Variants in NR6A1 observed in about 807,000 individuals in gnomAD.
NR6A1 encodes nuclear receptor subfamily 6 group A member 1, also known as retinoic acid receptor-related testis-associated receptor.
A neutral mutation model predicts 59.1 loss-of-function variants in NR6A1; 7 were observed. The ratio of observed to expected loss-of-function variants is 0.12; its 90% CI spans 0.07 to 0.22. NR6A1 has a LOEUF of 0.22. Ranked by LOEUF, NR6A1 falls within the 10% of genes least tolerant of loss-of-function variation. NR6A1 has a pLI of 1.00. For synonymous variants in NR6A1, 243 were observed against 236.1 expected, an observed-to-expected ratio of 1.03 and a Z score of -0.27; for missense variants, 468 against 611.6, an observed-to-expected ratio of 0.77 and a Z score of 2.48.
At chr9:124,539,963 A>G in intron 5 of NR6A1, 70 bp downstream of exon 5, 1 of 1,487,676 alleles carries the variant, frequency 6.7e-7, no homozygotes, top group Non-Finnish European at 8.9e-7. Context: ...ACTCAGCCAG[A>G]GGTTTTCTGT....
chr9:124,769,990 G>C (rs1235847296), intron 1 of NR6A1: 3 of 152,330 alleles, frequency 2.0e-5, no homozygotes, highest in African/African-American at 4.8e-5. Context: ...CAGGGGGAGG[G>C]AGCGAAGGGG....
intron 2 of NR6A1, chr9:124,598,735 C>G: frequency 1.1e-6 from 1 of 870,556 alleles, no homozygotes. Flanking sequence ...CCTCCTTGGT[C>G]TTCTCCCTTC....
intron 7 of NR6A1, among the ~76,000 whole-genome samples, chr9:124,530,873 A>G (rs576638937): frequency 1.6e-4 from 25 of 152,370 alleles, no homozygotes; most frequent in African/African-American, 4.6e-4. Flanking sequence ...GCATTGGAGC[A>G]CAACAGATAC....
At chr9:124,651,483 G>C (rs1299009965) in intron 2 of NR6A1, among the ~76,000 whole-genome samples, 4 of 152,192 alleles carry the variant, frequency 2.6e-5, no homozygotes, top group African/African-American at 7.2e-5. Context: ...ACTTATGGAA[G>C]AGGAAATGAC....
rs58609931 is a variant in NR6A1, at chr9:124,711,187, TAA to T, written c.142+22119_142+22120del. Among the ~76,000 whole-genome samples the T allele has an allele frequency of 5.6e-3, 372 of 66,482 alleles. 1 individual carries two copies. Among genetic ancestry groups the T allele is most frequent in the African/African-American group, 0.022 (348 of 15,986 alleles). 43.6% of individuals were successfully genotyped at this position (66,482 alleles called of 152,430 possible). On this transcript the variant is annotated intron_variant, in intron 2 of 9. Transcript: ENST00000487099. ...TTACATGCCTAAGTCAGCTAAGGTT[TAA>T]AAAAAAAAAAAAAAAAAAAAAAAAA...
intron 2 of NR6A1, among the ~76,000 whole-genome samples, chr9:124,663,192 C>T (rs745655279): frequency 6.6e-6 from 1 of 152,010 alleles, no homozygotes; most frequent in Non-Finnish European, 1.5e-5. Flanking sequence ...TGGTCAAGAC[C>T]GAGTGCAACA....
At chr9:124,630,210 G>GTTTTTTTTTTTT (rs71372979) in intron 2 of NR6A1, among the ~76,000 whole-genome samples, 1 of 95,356 alleles carries the variant, frequency 1.0e-5, no homozygotes, top group East Asian at 3.2e-4. Flanking sequence ...CTCCAAATCA[G>GTTTTTTTTTTTT]TTTTTTTTTT....
Position 124,771,003 on chromosome 9 carries a change from G to A in NR6A1, c.100+17C>T, listed in dbSNP as rs1174365298. ...CCGGTTCCTGCCTGGCCCGGGCGTC[G>A]CAGGCCCCTCACCCACCGTTGCGCG... is the stretch of plus-strand genomic sequence containing the variant. On this transcript the variant is annotated intron_variant, in intron 1 of 9. Transcript: ENST00000487099. 8.2e-7 allele frequency: 1 copy of A among 1,213,394 alleles called. No homozygotes were observed. The highest frequency in any genetic ancestry group is 1.0e-6 in the Non-Finnish European group (1 of 971,566). 75.2% of individuals were successfully genotyped at this position (1,213,394 alleles called of 1,614,324 possible).
intron 2 of NR6A1, among the ~76,000 whole-genome samples, chr9:124,667,980 T>C (rs1038166739): frequency 5.3e-5 from 8 of 152,178 alleles, no homozygotes; most frequent in African/African-American, 1.9e-4. Context: ...TAAAATACAC[T>C]TGATCCTTAA....
chr9:124,732,297 A>G (rs578151290), intron 2 of NR6A1, among the ~76,000 whole-genome samples: 155 of 152,276 alleles, frequency 1.0e-3, no homozygotes, highest in Non-Finnish European at 1.8e-3. Flanking sequence ...AGACCATCTC[A>G]TGGAATCTCA....
chr9:124,528,412 A>G (rs539303611), intron 7 of NR6A1, among the ~76,000 whole-genome samples: 2 of 152,312 alleles, frequency 1.3e-5, no homozygotes, highest in East Asian at 3.9e-4. Flanking sequence ...TTAAAACACA[A>G]TATAATGGCT....
intron 2 of NR6A1, among the ~76,000 whole-genome samples, chr9:124,589,953 T>G (rs1835060831): frequency 1.3e-5 from 2 of 150,280 alleles, no homozygotes. Context: ...CAGTCCCAGC[T>G]ACTCAGGAGA....
intron 2 of NR6A1, among the ~76,000 whole-genome samples, chr9:124,570,006 C>A (rs1258882248): frequency 6.6e-6 from 1 of 152,036 alleles, no homozygotes; most frequent in African/African-American, 2.4e-5. Context: ...ATTTACTATG[C>A]CAAAGGAAAA....
intron 2 of NR6A1, among the ~76,000 whole-genome samples, chr9:124,639,238 C>A (rs190443479): frequency 6.6e-6 from 1 of 152,300 alleles, no homozygotes; most frequent in Admixed American, 6.5e-5. Context: ...TCCAAGAATT[C>A]TGACTCCATA....
At chr9:124,648,296 G>A (rs909093777) in intron 2 of NR6A1, among the ~76,000 whole-genome samples, 7 of 151,836 alleles carry the variant, frequency 4.6e-5, no homozygotes, top group Non-Finnish European at 8.8e-5. Flanking sequence ...CCAGGAGTTC[G>A]AGACCAGCCT....
At chr9:124,646,062 TAAATAA>T (rs1041517177) in intron 2 of NR6A1, among the ~76,000 whole-genome samples, 5 of 152,116 alleles carry the variant, frequency 3.3e-5, no homozygotes, top group African/African-American at 9.7e-5. Flanking sequence ...TATTTTGAAC[TAAATAA>T]AAATAAAAAT....
At chr9:124,718,918 G>A (rs1839482974) in intron 2 of NR6A1, among the ~76,000 whole-genome samples, 1 of 143,648 alleles carries the variant, frequency 7.0e-6, no homozygotes, top group South Asian at 2.3e-4. Flanking sequence ...GGGCTCAAGC[G>A]ATCCTCCCAC....
chr9:124,697,512 G>A (rs547530720), intron 2 of NR6A1, among the ~76,000 whole-genome samples: 1 of 152,118 alleles, frequency 6.6e-6, no homozygotes, highest in Non-Finnish European at 1.5e-5. Flanking sequence ...AAGGGTATGT[G>A]TAACTACCTT....
At chr9:124,538,511 G>A (rs1038331642) in intron 5 of NR6A1, among the ~76,000 whole-genome samples, 192 bp from the exon 6 acceptor site, 6 of 152,164 alleles carry the variant, frequency 3.9e-5, no homozygotes, top group African/African-American at 1.4e-4. Flanking sequence ...AAGACTCTAT[G>A]GGTATATGAA....
Sources: gnomAD v4.1 joint callset for allele counts (sites outside exome capture counted in the v4.1 genomes callset) on GRCh38, gnomAD v4.1.1 for gene constraint, MANE v1.5 for transcripts, NCBI Gene and HGNC (gene_info 2026-07-23, HGNC 2026-07-21) for gene names.